CNTN4: variants seen among roughly 807,000 people sequenced by gnomAD.
CNTN4 encodes contactin-4.
A neutral mutation model predicts 122.5 loss-of-function variants in CNTN4; 77 were observed. That is an observed-to-expected ratio of 0.63 (90% confidence interval 0.52 to 0.76). The LOEUF (loss-of-function observed/expected upper bound fraction) is 0.76, where lower values mean the gene tolerates loss of function less well. Among genes scored for constraint, CNTN4 ranks in the 30% least tolerant of loss-of-function variants. The probability of loss-of-function intolerance (pLI) is 0.00; values close to 1 mark genes in which losing one functional copy is unlikely to be tolerated. For missense variants in CNTN4, 1,256 were observed against 1,259.1 expected, an observed-to-expected ratio of 1.00 and a Z score of 0.04; for synonymous variants, 512 against 447.0, an observed-to-expected ratio of 1.15 and a Z score of -1.83.
intron 2 of CNTN4, among the ~76,000 whole-genome samples, chr3:2,337,855 A>T (rs553066642): frequency 6.6e-6 from 1 of 152,158 alleles, no homozygotes; most frequent in Non-Finnish European, 1.5e-5. Flanking sequence ...ATTGTTATTG[A>T]TAGGTAGGCT....
intron 2 of CNTN4, among the ~76,000 whole-genome samples, chr3:2,217,863 T>C (rs2149474989): frequency 6.6e-6 from 1 of 152,324 alleles, no homozygotes; most frequent in Admixed American, 6.5e-5. Flanking sequence ...TTAATAAATG[T>C]CTGAGTGCCT....
At chr3:2,710,088 A>T (rs183914149) in intron 4 of CNTN4, among the ~76,000 whole-genome samples, 2 of 152,172 alleles carry the variant, frequency 1.3e-5, no homozygotes, top group South Asian at 2.1e-4. Flanking sequence ...ATTAGTTCGA[A>T]CCACAGTTAG....
chr3:2,841,632 A>AT lies in CNTN4; in HGVS notation c.454+22057dup, dbSNP rs549979844. Among the ~76,000 whole-genome samples, 15 of 152,242 alleles carry AT rather than the reference A, an allele frequency of 9.9e-5. No individual in the cohort carries two copies. The highest frequency in any genetic ancestry group is 3.4e-3 in the Middle Eastern group (1 of 294). The stretch of plus-strand genomic sequence containing the variant: ...CAACCCTTTGTGAAGAAATCTTTTA[A>AT]TTTTTTGTGGGTCAGAGGCTCTTTG... On this transcript the variant is annotated intron_variant, in intron 7 of 24. Transcript: ENST00000418658. This position sits in a 1 kb window ranked among gnomAD's most constrained non-coding sequence, Gnocchi z 4.8.
chr3:2,168,154 T>C (rs1028097303), intron 2 of CNTN4, among the ~76,000 whole-genome samples: 2 of 152,204 alleles, frequency 1.3e-5, no homozygotes, highest in East Asian at 1.9e-4. Context: ...TGGAAAGTTA[T>C]ACTCTACAAA....
At chr3:2,833,752 AT>A in intron 7 of CNTN4, among the ~76,000 whole-genome samples, 1 of 152,250 alleles carries the variant, frequency 6.6e-6, no homozygotes, top group East Asian at 1.9e-4. Flanking sequence ...AATAATTCCA[AT>A]GACATAACTT....
rs769591737 is a variant in CNTN4 at position 2,835,557 on chromosome 3, G to A, written c.454+15976G>A. 7.2e-5 allele frequency among the ~76,000 whole-genome samples: 11 copies of A among 151,928 alleles called. No individual in the cohort carries two copies. In the East Asian group the frequency reaches 9.7e-4, roughly 13 times the overall value. ...TTATATAGGCCAGGCCTTATTTTCC[G>A]CCATAATGCAATTAAATAAGAAATT... On this transcript the variant is annotated intron_variant, in intron 7 of 24. Coordinates refer to ENST00000418658, the MANE Select transcript of CNTN4 (RefSeq NM_175607.3).
intron 14 of CNTN4, among the ~76,000 whole-genome samples, chr3:2,994,055 T>C (rs1465631750): frequency 6.6e-6 from 1 of 152,196 alleles, no homozygotes; most frequent in Admixed American, 6.5e-5. Context: ...TTCACACAGC[T>C]GGAACCAGAA....
chr3:2,293,911 T>C (rs2042216828), intron 2 of CNTN4, among the ~76,000 whole-genome samples: 1 of 152,194 alleles, frequency 6.6e-6, no homozygotes, highest in Non-Finnish European at 1.5e-5. Context: ...GCCACTAATT[T>C]AGTGTACAAT....
At chr3:3,049,462 G>T (rs1309062930) in intron 23 of CNTN4, among the ~76,000 whole-genome samples, 1 of 152,216 alleles carries the variant, frequency 6.6e-6, no homozygotes, top group Non-Finnish European at 1.5e-5. Context: ...GTGGCATAGA[G>T]TTTAGTCACT....
chr3:2,806,585 C>G (rs2092473227), intron 6 of CNTN4, among the ~76,000 whole-genome samples: 1 of 152,196 alleles, frequency 6.6e-6, no homozygotes, highest in Non-Finnish European at 1.5e-5. Context: ...CATATGTCTC[C>G]TCAGTTGTTT....
At chr3:2,585,867 C>T (rs2080178334) in intron 4 of CNTN4, among the ~76,000 whole-genome samples, 1 of 144,870 alleles carries the variant, frequency 6.9e-6, no homozygotes, top group South Asian at 2.4e-4. Flanking sequence ...TAACCCAATA[C>T]AGAGGGGGAG....
At chr3:2,936,066 A>G (rs1012100569) in intron 13 of CNTN4, among the ~76,000 whole-genome samples, 23 of 152,204 alleles carry the variant, frequency 1.5e-4, no homozygotes, top group African/African-American at 2.4e-5. Flanking sequence ...CAAGCTAAGA[A>G]GCTGGCATTT....
At chr3:2,906,844 CAAAA>C (rs11287897) in intron 12 of CNTN4, among the ~76,000 whole-genome samples, 1 of 122,392 alleles carries the variant, frequency 8.2e-6, no homozygotes, top group Non-Finnish European at 1.7e-5. Flanking sequence ...AACTCCTTCT[CAAAA>C]AAAAAAAAAA....
At chr3:2,986,491 C>T (rs116767256) in intron 13 of CNTN4, among the ~76,000 whole-genome samples, 1,932 of 152,340 alleles carry the variant, frequency 0.013, 37 homozygotes, top group African/African-American at 0.043. Flanking sequence ...ACCCTCTCAT[C>T]AGACTGAGTC....
intron 19 of CNTN4, 84 bp from the exon 20 acceptor site, chr3:3,039,953 G>A (rs1559821709): frequency 2.2e-6 from 2 of 918,716 alleles, no homozygotes; most frequent in Admixed American, 1.8e-5. Flanking sequence ...ATGTAGACAA[G>A]AATGTTACAA....
chr3:2,903,105 G>C (rs1218531003), intron 12 of CNTN4, 100 bp downstream of exon 12: 1 of 1,251,266 alleles, frequency 8.0e-7, no homozygotes, highest in African/African-American at 1.5e-5. Context: ...AAGAAAAGGA[G>C]TAAAGAAATC....
intron 2 of CNTN4, among the ~76,000 whole-genome samples, chr3:2,220,158 G>A (rs2039005283): frequency 6.6e-6 from 1 of 152,024 alleles, no homozygotes. Flanking sequence ...GTTTTAAAGT[G>A]GAGCTCAAAT....
intron 7 of CNTN4, among the ~76,000 whole-genome samples, chr3:2,850,559 G>A (rs576626159): frequency 5.7e-4 from 86 of 152,170 alleles, no homozygotes; most frequent in African/African-American, 1.9e-3. Context: ...CAGATCATGC[G>A]AAACCATGTT....
chr3:2,199,413 C>T (rs141310850), intron 2 of CNTN4, among the ~76,000 whole-genome samples: 254 of 152,102 alleles, frequency 1.7e-3, no homozygotes, highest in Middle Eastern at 6.8e-3. Context: ...CCTTCTCTCC[C>T]CCTGTCCCTA....
Sources: allele counts gnomAD v4.1 joint callset (sites outside exome capture counted in the v4.1 genomes callset), GRCh38; gene constraint gnomAD v4.1.1; non-coding constraint Gnocchi (gnomAD v3.1); transcripts MANE v1.5; gene names NCBI Gene and HGNC (gene_info 2026-07-23, HGNC 2026-07-21).